Variants in FMO1 observed in about 807,000 individuals in gnomAD.
FMO1 encodes flavin-containing monooxygenase 1.
Under a neutral mutation model 45.4 loss-of-function variants are expected in FMO1, and 36 were observed. That is an observed-to-expected ratio of 0.79 (90% CI 0.61 to 1.05). The LOEUF (loss-of-function observed/expected upper bound fraction) is 1.05. Ranked by LOEUF, FMO1 falls within the 50% of genes least tolerant of loss-of-function variation. The pLI, the probability that FMO1 is intolerant of heterozygous loss-of-function variation, is 0.00. For synonymous variants in FMO1, 228 were observed against 227.2 expected (o/e 1.00, Z -0.03); for missense variants, 615 against 640.3 (o/e 0.96, Z 0.43).
chr1:171,251,710 TTC>T (rs1316443118), intron 1 of FMO1: 1 of 149,990 alleles, frequency 6.7e-6, no homozygotes, highest in African/African-American at 2.4e-5. Context: ...CACACAGATA[TTC>T]TGAGGGTCCC....
At chr1:171,261,652 G>A (rs1660382647) in intron 2 of FMO1, among the ~76,000 whole-genome samples, 1 of 152,130 alleles carries the variant, frequency 6.6e-6, no homozygotes, top group South Asian at 2.1e-4. Flanking sequence ...GGGTGGCAGA[G>A]GCAGGAGGAT....
chr1:171,253,454 GC>G (rs1659994787), intron 1 of FMO1, among the ~76,000 whole-genome samples: 2 of 152,092 alleles, frequency 1.3e-5, no homozygotes. Flanking sequence ...GATCACTTGA[GC>G]CCAGACATTC....
At chr1:171,256,272 C>CAAAAA (rs34529047) in intron 1 of FMO1, among the ~76,000 whole-genome samples, 3 of 78,262 alleles carry the variant, frequency 3.8e-5, no homozygotes, top group Non-Finnish European at 2.4e-5. Flanking sequence ...GACTCCATCT[C>CAAAAA]AAAAAAAAAA....
At chr1:171,257,966 A>T in intron 1 of FMO1, 116 bp from the exon 2 acceptor site, 1 of 1,178,438 alleles carries the variant, frequency 8.5e-7, no homozygotes, top group South Asian at 1.4e-5. Flanking sequence ...CCGCTACAGA[A>T]GATTCAAACT....
chr1:171,274,857 T>C (rs1661038866), intron 3 of FMO1, among the ~76,000 whole-genome samples: 1 of 152,242 alleles, frequency 6.6e-6, no homozygotes, highest in African/African-American at 2.4e-5. Flanking sequence ...CAGGCCATAA[T>C]GTTAGCACTT....
chr1:171,261,321 G>GCACACACACACACACACACACACA (rs71561567), intron 2 of FMO1, among the ~76,000 whole-genome samples: 7 of 147,960 alleles, frequency 4.7e-5, no homozygotes, highest in African/African-American at 1.7e-4. Flanking sequence ...ACACACACAG[G>GCACACACACACACACACACACACA]CACACACACA....
chr1:171,271,613 GCA>G, intron 3 of FMO1: 2 of 747,102 alleles, frequency 2.7e-6, no homozygotes, highest in South Asian at 2.9e-5. Context: ...CCCCAGTGAG[GCA>G]CAGAGTTGCC....
In FMO1 at chr1:171,283,152, A is replaced by C; in HGVS notation, c.1192A>C (p.Lys398Gln). Residue 398 changes from lysine (K) to glutamine (Q), a missense_variant, in exon 8 of 9, where the codon AAG becomes CAG. Lys to Gln is a moderately conservative substitution (Grantham distance 53, BLOSUM62 1). Coordinates refer to ENST00000617670, the MANE Select transcript of FMO1 (RefSeq NM_001282693.2). ...WAVRVLKGVNKLPPPSVMIEE... is the reference protein window; with the variant it reads ...WAVRVLKGVNQLPPPSVMIEE... ...TTATTTTAATCCTACAGGTGTAAAT[A>C]AGTTACCACCACCAAGTGTCATGAT... 6.4e-7 allele frequency: 1 copy of C among 1,566,332 alleles called. No homozygotes were observed. Among genetic ancestry groups the C allele is most frequent in the Non-Finnish European group, 8.7e-7 (1 of 1,145,650 alleles).
chr1:171,283,833 G>GT (rs1661498834), intron 8 of FMO1, among the ~76,000 whole-genome samples: 1 of 152,162 alleles, frequency 6.6e-6, no homozygotes, highest in African/African-American at 2.4e-5. Flanking sequence ...GGCTGTTTTT[G>GT]TGTTACAGTA....
Position 171,282,227 on chromosome 1 carries a change from A to G in FMO1, c.1077A>G (p.Ala359=). 1 of 1,614,008 alleles carries G rather than the reference A, an allele frequency of 6.2e-7. No homozygotes were observed. The highest frequency in any genetic ancestry group is 8.5e-7 in the Non-Finnish European group (1 of 1,179,922). ...CACTGTACAAGTATATCTTCCCTGC[A>G]CATCTGCAAAAGCCAACCCTGGCCA... The part of the protein sequence containing the change: ...QASLYKYIFP[A]HLQKPTLAII... The change falls in exon 7 of 9, where the codon GCA becomes GCG. Residue 359 remains alanine (A), a synonymous_variant. Transcript: ENST00000617670.
intron 3 of FMO1, chr1:171,271,134 CT>C: frequency 1.1e-6 from 1 of 887,354 alleles, no homozygotes; most frequent in Non-Finnish European, 1.9e-6. Flanking sequence ...TGTATTTTTC[CT>C]TTAGCTTTGC....
intron 2 of FMO1, among the ~76,000 whole-genome samples, chr1:171,263,508 C>T (rs1042373264): frequency 5.3e-5 from 8 of 152,150 alleles, no homozygotes; most frequent in Non-Finnish European, 1.0e-4. Flanking sequence ...CAAAGAGTCC[C>T]AGCAAGTGTC....
chr1:171,284,019 G>C (rs1661510035), intron 8 of FMO1, among the ~76,000 whole-genome samples: 1 of 152,088 alleles, frequency 6.6e-6, no homozygotes, highest in Non-Finnish European at 1.5e-5. Flanking sequence ...AAGACTGATG[G>C]CCAGCAAAGT....
chr1:171,263,909 A>G (rs1430838281), intron 2 of FMO1, among the ~76,000 whole-genome samples: 3 of 152,194 alleles, frequency 2.0e-5, no homozygotes, highest in Non-Finnish European at 4.4e-5. Flanking sequence ...AATACCATTC[A>G]GAAGGGGCAG....
intron 7 of FMO1, 27 bp downstream of exon 7, chr1:171,282,360 T>C (rs1183092044): frequency 1.3e-5 from 19 of 1,468,328 alleles, no homozygotes; most frequent in Non-Finnish European, 1.7e-5. Flanking sequence ...GCAGGGCATG[T>C]GTTTTTGGTG....
At position 171,285,409 on chromosome 1, in the gene FMO1, C is replaced by A. The variant is rs894298371; in HGVS notation, c.1464C>A (p.Ile488=). ...AATGGGAAGGAGCCAGAAATGCCAT[C>A]ATGACCCAGTGGGACCGAACATTCA... ...PGKWEGARNA[I]MTQWDRTFKV... The change falls in exon 9 of 9, where the codon ATC becomes ATA. Residue 488 remains isoleucine, a synonymous_variant. Transcript: ENST00000617670. 1 of 1,613,114 alleles carries A rather than the reference C, an allele frequency of 6.2e-7. No homozygotes were observed. Among genetic ancestry groups the A allele is most frequent in the African/African-American group, 1.3e-5 (1 of 74,980 alleles).
intron 4 of FMO1, among the ~76,000 whole-genome samples, chr1:171,277,404 C>G (rs1661154044): frequency 6.6e-6 from 1 of 152,090 alleles, no homozygotes; most frequent in East Asian, 1.9e-4. Context: ...CACATATATA[C>G]ATTCTGCTAT....
chr1:171,263,795 G>A, intron 2 of FMO1, among the ~76,000 whole-genome samples: 1 of 152,208 alleles, frequency 6.6e-6, no homozygotes, highest in African/African-American at 2.4e-5. Flanking sequence ...TGCAGCACGG[G>A]TGGGAGGGTG....
chr1:171,276,849 G>A (rs1204758179), intron 4 of FMO1, among the ~76,000 whole-genome samples: 1 of 152,130 alleles, frequency 6.6e-6, no homozygotes, highest in African/African-American at 2.4e-5. Context: ...AAGCAATTGA[G>A]CCAATATGCT....
Sources: allele counts gnomAD v4.1 joint callset (sites outside exome capture counted in the v4.1 genomes callset), GRCh38; gene constraint gnomAD v4.1.1; transcripts MANE v1.5; gene names NCBI Gene and HGNC (gene_info 2026-07-23, HGNC 2026-07-21).